JAK2: variants seen among roughly 807,000 people sequenced by gnomAD.
JAK2 encodes the protein tyrosine-protein kinase JAK2.
A neutral mutation model predicts 139.3 loss-of-function variants in JAK2; 86 were observed. The observed-to-expected ratio is 0.62, with a 90% CI of 0.52 to 0.74. The LOEUF (loss-of-function observed/expected upper bound fraction) is 0.74, where lower values mean the gene tolerates loss of function less well. JAK2 is among the 30% of genes least tolerant of loss of function. The pLI, the probability that JAK2 is intolerant of heterozygous loss-of-function variation, is 0.00. For missense variants in JAK2, 1,421 were observed against 1,360.3 expected (o/e 1.04, Z -0.70); for synonymous variants, 490 against 437.7 (o/e 1.12, Z -1.49).
chr9:5,033,293 G>A (rs577239179), intron 4 of JAK2, among the ~76,000 whole-genome samples: 1 of 152,284 alleles, frequency 6.6e-6, no homozygotes, highest in East Asian at 1.9e-4. Context: ...TGGGGAGAAT[G>A]GAACCAAGTT....
At position 5,127,813 on chromosome 9, in the gene JAK2, A is replaced by G. The variant is rs542250013; in HGVS notation, c.*1022A>G. 3.3e-4 allele frequency: 77 copies of G among 232,618 alleles called. No homozygotes were observed. Among genetic ancestry groups the G allele is most frequent in the African/African-American group, 1.6e-3 (73 of 45,386 alleles). 14.4% of individuals were successfully genotyped at this position (232,618 alleles called of 1,614,324 possible). A position where few individuals can be genotyped will look rare whatever the true frequency, so the allele number is the denominator to read the frequency against. On this transcript the variant is annotated 3_prime_UTR_variant, in exon 25 of 25. Coordinates refer to ENST00000381652, the MANE Select transcript of JAK2 (RefSeq NM_004972.4). ...TTAAGAATTTTTTCCTAAAGACTGT[A>G]TATTTGAGGGGTTTCAGAATTTTGC...
chr9:5,018,983 C>T (rs1408733510), intron 2 of JAK2, among the ~76,000 whole-genome samples: 1 of 152,072 alleles, frequency 6.6e-6, no homozygotes, highest in Non-Finnish European at 1.5e-5. Context: ...GACAACAGTT[C>T]TCTCTTTGTC....
intron 2 of JAK2, among the ~76,000 whole-genome samples, chr9:5,004,932 T>C (rs1040070180): frequency 6.6e-6 from 1 of 150,894 alleles, no homozygotes; most frequent in Non-Finnish European, 1.5e-5. Context: ...TTTTTTTTTT[T>C]TTGAGACAGA....
chr9:4,995,097 G>T (rs187986696), intron 2 of JAK2, among the ~76,000 whole-genome samples: 1 of 152,186 alleles, frequency 6.6e-6, no homozygotes, highest in African/African-American at 2.4e-5. Flanking sequence ...TGTGTTTTCA[G>T]ATGACTTGAT....
chr9:5,112,780 C>T, intron 22 of JAK2: 1 of 584,088 alleles, frequency 1.7e-6, no homozygotes, highest in Admixed American at 3.8e-5. Context: ...TGTTCGGAGG[C>T]CCCCAGATGG....
At chr9:5,056,994 T>A (rs1817812284) in intron 8 of JAK2, among the ~76,000 whole-genome samples, 1 of 152,204 alleles carries the variant, frequency 6.6e-6, no homozygotes, top group Non-Finnish European at 1.5e-5. Context: ...TAAAGCTCCT[T>A]AAAAATATTA....
Position 5,093,065 on chromosome 9 carries a change from T to G in JAK2, c.3059+2154T>G, listed in dbSNP as rs77993754. On this transcript the variant is annotated intron_variant, in intron 22 of 24. Transcript: ENST00000381652. ...CTCCTAACATTACACTGGTCTAATC[T>G]ATTATTTAATAGAAGCAATAATGTT... Among the ~76,000 whole-genome samples, 1,209 of 152,302 alleles carry G rather than the reference T, an allele frequency of 7.9e-3. 12 individuals are homozygous for G. The highest frequency in any genetic ancestry group is 0.027 in the African/African-American group (1,139 of 41,562).
At chr9:5,029,981 G>A in intron 4 of JAK2, 75 bp downstream of exon 4, 1 of 1,344,658 alleles carries the variant, frequency 7.4e-7, no homozygotes, top group East Asian at 2.4e-5. Flanking sequence ...TTTTTTAATT[G>A]CAAGGTACTT....
intron 2 of JAK2, among the ~76,000 whole-genome samples, chr9:4,988,749 C>T (rs1469628040): frequency 6.6e-6 from 1 of 152,126 alleles, no homozygotes. Context: ...CTGTACTGGT[C>T]TTCTGCTTCT....
intron 22 of JAK2, among the ~76,000 whole-genome samples, chr9:5,095,991 A>C (rs1820957130): frequency 6.6e-6 from 1 of 152,200 alleles, no homozygotes; most frequent in South Asian, 2.1e-4. Context: ...CTTTACCTCC[A>C]TTAACAGGAT....
intron 8 of JAK2, among the ~76,000 whole-genome samples, chr9:5,058,813 T>G (rs1225807434): frequency 6.6e-6 from 1 of 152,216 alleles, no homozygotes; most frequent in Non-Finnish European, 1.5e-5. Flanking sequence ...TCTTTTCATA[T>G]ATGTATTGCC....
intron 19 of JAK2, chr9:5,085,731 A>G: frequency 1.3e-6 from 1 of 753,656 alleles, no homozygotes; most frequent in East Asian, 2.5e-5. Flanking sequence ...TTCTGCAATT[A>G]AGGCTGTGGC....
intron 19 of JAK2, among the ~76,000 whole-genome samples, chr9:5,082,349 A>G (rs1300118999): frequency 6.6e-6 from 1 of 152,234 alleles, no homozygotes; most frequent in African/African-American, 2.4e-5. Context: ...CTATGCCTGG[A>G]TGTGCACATA....
chr9:5,087,489 T>C (rs1403614590), intron 19 of JAK2, among the ~76,000 whole-genome samples: 1 of 55,792 alleles, frequency 1.8e-5, no homozygotes, highest in East Asian at 4.2e-4. Context: ...CTTACTTGAT[T>C]TCTTTCCTGG....
chr9:5,010,025 G>T (rs1257152207), intron 2 of JAK2, among the ~76,000 whole-genome samples: 1 of 152,156 alleles, frequency 6.6e-6, no homozygotes, highest in African/African-American at 2.4e-5. Context: ...TCTCGCCTTG[G>T]ACTTCCAAAT....
chr9:5,002,950 A>G (rs1821014128), intron 2 of JAK2, among the ~76,000 whole-genome samples: 1 of 152,118 alleles, frequency 6.6e-6, no homozygotes, highest in East Asian at 1.9e-4. Flanking sequence ...TTTTTGCCCC[A>G]TATGAATAAC....
chr9:5,114,810 C>T (rs1822993468), intron 22 of JAK2: 3 of 279,158 alleles, frequency 1.1e-5, no homozygotes, highest in Non-Finnish European at 2.1e-5. Context: ...CATTAAATGT[C>T]CTCCTGCCTT....
chr9:5,036,994 A>G (rs565435127), intron 4 of JAK2, among the ~76,000 whole-genome samples: 432 of 152,304 alleles, frequency 2.8e-3, no homozygotes, highest in African/African-American at 0.01. Context: ...AGAATATACA[A>G]TGAACTCTAA....
chr9:4,990,369 G>A (rs776114094), intron 2 of JAK2, among the ~76,000 whole-genome samples: 7 of 152,166 alleles, frequency 4.6e-5, no homozygotes, highest in Non-Finnish European at 8.8e-5. Context: ...AACAAAAATA[G>A]TTATGGCAGT....
Sources: gnomAD v4.1 joint callset for allele counts (sites outside exome capture counted in the v4.1 genomes callset) on GRCh38, gnomAD v4.1.1 for gene constraint, MANE v1.5 for transcripts, NCBI Gene and HGNC (gene_info 2026-07-23, HGNC 2026-07-21) for gene names.